The following PGM1 variants were observed in gnomAD, a reference collection of about 807,000 sequenced individuals.
The protein encoded by PGM1 is phosphoglucomutase 1, also known as phosphoglucomutase-1.
In PGM1, 52 loss-of-function variants were observed where a neutral mutation model predicts 55.6. The ratio of observed to expected loss-of-function variants is 0.94; its 90% CI spans 0.75 to 1.18. The LOEUF (loss-of-function observed/expected upper bound fraction) is 1.18, where lower values mean the gene tolerates loss of function less well. Among genes scored for constraint, PGM1 ranks in the 50% most tolerant of loss-of-function variants. The pLI, the probability that PGM1 is intolerant of heterozygous loss-of-function variation, is 0.00. For missense variants in PGM1, 724 were observed against 729.3 expected (o/e 0.99, Z 0.08); for synonymous variants, 287 against 271.7 (o/e 1.06, Z -0.55).
At chr1:63,619,918 T>C (rs777431778) in intron 1 of PGM1, among the ~76,000 whole-genome samples, 1 of 152,196 alleles carries the variant, frequency 6.6e-6, no homozygotes, top group Non-Finnish European at 1.5e-5. Flanking sequence ...TCATAAAGGC[T>C]TTCCTAGACA....
chr1:63,648,762 T>C (rs1570513013), intron 8 of PGM1, 110 bp downstream of exon 8: 1 of 1,141,578 alleles, frequency 8.8e-7, no homozygotes. Flanking sequence ...CCCTAGGTCA[T>C]CCAGCCTCTC....
In PGM1 at chr1:63,623,705, G is replaced by A. The variant is rs768476002; in HGVS notation, c.247-5720G>A. ...TCACTGGTGGTTGGTGGAGATGGGC[G>A]GTACTTTAATAAATCAGCAATAGAA... On this transcript the variant is annotated intron_variant, in intron 1 of 10. Coordinates refer to ENST00000371084, the MANE Select transcript of PGM1 (RefSeq NM_002633.3). 2.4e-5 allele frequency: 38 copies of A among 1,612,368 alleles called. 1 individual carries two copies. Among genetic ancestry groups the A allele is most frequent in the Non-Finnish European group, 2.9e-5 (34 of 1,179,736 alleles).
At chr1:63,614,681 T>C (rs1459361798) in intron 1 of PGM1, among the ~76,000 whole-genome samples, 2 of 152,168 alleles carry the variant, frequency 1.3e-5, no homozygotes, top group Non-Finnish European at 2.9e-5. Context: ...GTAAAATGAA[T>C]GATATACAGA....
chr1:63,636,569 G>A (rs930161187), intron 6 of PGM1, among the ~76,000 whole-genome samples, 181 bp downstream of exon 6: 8 of 152,094 alleles, frequency 5.3e-5, no homozygotes, highest in Admixed American at 1.3e-4. Flanking sequence ...GCCCCTCTCC[G>A]CACTCCCTTG....
chr1:63,636,505 A>C, intron 6 of PGM1, 117 bp downstream of exon 6: 2 of 1,066,454 alleles, frequency 1.9e-6, no homozygotes, highest in Non-Finnish European at 2.9e-6. Flanking sequence ...TGATGCATAG[A>C]GTGTGCTGAG....
chr1:63,654,503 G>A (rs1225498559), intron 10 of PGM1, 37 bp downstream of exon 10: 2 of 1,610,298 alleles, frequency 1.2e-6, no homozygotes, highest in South Asian at 1.1e-5. Flanking sequence ...AGTTCTTTCT[G>A]TTCAAGGGAA....
chr1:63,638,382 A>G (rs1448137282), intron 6 of PGM1, among the ~76,000 whole-genome samples: 2 of 152,198 alleles, frequency 1.3e-5, no homozygotes, highest in Non-Finnish European at 2.9e-5. Flanking sequence ...TCTGTATCCA[A>G]AATGTGGATT....
At chr1:63,637,069 G>A (rs1649385170) in intron 6 of PGM1, among the ~76,000 whole-genome samples, 1 of 152,186 alleles carries the variant, frequency 6.6e-6, no homozygotes, top group South Asian at 2.1e-4. Flanking sequence ...AATATGTCAG[G>A]TGTGCAGGAA....
intron 1 of PGM1, among the ~76,000 whole-genome samples, chr1:63,606,593 T>C (rs1422853159): frequency 2.0e-5 from 3 of 152,164 alleles, no homozygotes; most frequent in Non-Finnish European, 4.4e-5. Flanking sequence ...ATTGAACATA[T>C]CTGTTGCACT....
intron 1 of PGM1, among the ~76,000 whole-genome samples, chr1:63,621,437 C>G (rs1424531741): frequency 6.6e-6 from 1 of 152,062 alleles, no homozygotes; most frequent in African/African-American, 2.4e-5. Flanking sequence ...TCTGTTATTC[C>G]AATGAAAAGA....
At chr1:63,638,307 T>C (rs1649415393) in intron 6 of PGM1, among the ~76,000 whole-genome samples, 1 of 152,220 alleles carries the variant, frequency 6.6e-6, no homozygotes, top group Admixed American at 6.5e-5. Flanking sequence ...TATGTCATGA[T>C]TCTGTGATTA....
chr1:63,648,473 G>C, intron 7 of PGM1, 44 bp from the exon 8 acceptor site: 1 of 1,612,926 alleles, frequency 6.2e-7, no homozygotes, highest in Non-Finnish European at 8.5e-7. Context: ...TCAGGTACTG[G>C]GAGAAAGCAC....
At chr1:63,652,481 G>A (rs987585727) in intron 9 of PGM1, among the ~76,000 whole-genome samples, 2 of 152,140 alleles carry the variant, frequency 1.3e-5, no homozygotes, top group Non-Finnish European at 2.9e-5. Context: ...ACTGTGTGCC[G>A]GGTACCCTAG....
At chr1:63,629,668 G>A (rs1649141101) in intron 2 of PGM1, 81 bp downstream of exon 2, 2 of 1,415,256 alleles carry the variant, frequency 1.4e-6, no homozygotes, top group South Asian at 2.3e-5. Flanking sequence ...GGAGACCAGG[G>A]TTTTGGTTCT....
chr1:63,636,280 C>G lies in PGM1; in HGVS notation c.920C>G (p.Ser307Ter), dbSNP rs950202060. 1 of 1,614,070 alleles carries G rather than the reference C, an allele frequency of 6.2e-7. No individual in the cohort carries two copies. Among genetic ancestry groups the G allele is most frequent in the Admixed American group, 1.7e-5 (1 of 60,028 alleles). ...LGKHGFFVNP[S>*]DSVAVIAANI... ...AAGCATGGGTTCTTTGTGAACCCTTCAGACTCTGTGGCTGTCATTGCTGCC... is the reference window on the plus strand; with the variant it reads ...AAGCATGGGTTCTTTGTGAACCCTTGAGACTCTGTGGCTGTCATTGCTGCC... The change falls in exon 6 of 11, where the codon TCA becomes TGA. Residue 307 changes from serine to a stop codon, truncating the protein, a stop_gained. Coordinates refer to ENST00000371084, the MANE Select transcript of PGM1 (RefSeq NM_002633.3). LOFTEE classifies it high-confidence loss of function.
At chr1:63,594,041 C>A in intron 1 of PGM1, 3 of 1,095,896 alleles carry the variant, frequency 2.7e-6, no homozygotes, top group Non-Finnish European at 3.3e-6. Context: ...TGCCTTCCCT[C>A]TCCCCGTCCC....
rs890759142 is a variant in PGM1 at position 63,659,981 on chromosome 1, G to A, written c.*306G>A. On this transcript the variant is annotated 3_prime_UTR_variant, in exon 11 of 11. Transcript: ENST00000371084. ...AGTTTACACTACAATGTAAGCTATA[G>A]GTGGAGCATCAGCAGTGAGTGAGGC... The A allele has an allele frequency of 2.1e-6, 1 of 483,858 alleles. No homozygotes were observed. The highest frequency in any genetic ancestry group is 3.8e-6 in the Non-Finnish European group (1 of 263,054). 30.0% of individuals were successfully genotyped at this position (483,858 alleles called of 1,614,324 possible).
intron 1 of PGM1, among the ~76,000 whole-genome samples, chr1:63,598,994 G>A (rs938833969): frequency 6.6e-6 from 1 of 152,170 alleles, no homozygotes. Flanking sequence ...GAAGGAACAT[G>A]TTTCTGGCTA....
chr1:63,637,114 T>C (rs1012660045), intron 6 of PGM1, among the ~76,000 whole-genome samples: 32 of 152,208 alleles, frequency 2.1e-4, no homozygotes. Context: ...AATGAATGAA[T>C]GAATAAAAGG....
Sources: gnomAD v4.1 joint callset for allele counts (sites outside exome capture counted in the v4.1 genomes callset) on GRCh38, gnomAD v4.1.1 for gene constraint, MANE v1.5 for transcripts, NCBI Gene and HGNC (gene_info 2026-07-23, HGNC 2026-07-21) for gene names.